Variants in XPC observed in about 807,000 individuals in gnomAD.
XPC encodes the protein XPC complex subunit, DNA damage recognition and repair factor, also known as DNA repair protein complementing XP-C cells.
In XPC, 76 loss-of-function variants were observed where a neutral mutation model predicts 95.8. That is an observed-to-expected ratio of 0.79 (90% confidence interval 0.66 to 0.96). The LOEUF (loss-of-function observed/expected upper bound fraction) is 0.96. Among genes scored for constraint, XPC ranks in the 40% least tolerant of loss-of-function variants. The pLI is 0.00. For missense variants in XPC, 1,146 were observed against 1,179.8 expected (o/e 0.97, Z 0.42); for synonymous variants, 442 against 442.1 (o/e 1.00, Z 0.00).
rs1318069826 is a variant in XPC at position 14,148,811 on chromosome 3, T to TA, written c.2250+2dup. The TA allele has an allele frequency of 6.2e-7, 1 of 1,613,850 alleles. No individual in the cohort carries two copies. Among genetic ancestry groups the TA allele is most frequent in the East Asian group, 2.2e-5 (1 of 44,890 alleles). On this transcript the variant is annotated splice_region_variant and intron_variant, in intron 12 of 15. Coordinates refer to ENST00000285021, the MANE Select transcript of XPC (RefSeq NM_004628.5). ...TCCTGAGCCCTTCTGATGCTGCCCT[T>TA]ACCTTCCCGTCCACGGCCACTGGGG...
chr3:14,154,554 TA>T (rs1196110589), intron 10 of XPC, among the ~76,000 whole-genome samples: 2 of 152,196 alleles, frequency 1.3e-5, no homozygotes, highest in Non-Finnish European at 2.9e-5. Flanking sequence ...GATGTGACTA[TA>T]AATACCGCAT....
intron 7 of XPC, among the ~76,000 whole-genome samples, chr3:14,160,771 T>C (rs1355336002): frequency 2.0e-5 from 3 of 152,240 alleles, no homozygotes; most frequent in Non-Finnish European, 4.4e-5. Flanking sequence ...TGTACCAGTA[T>C]TAATTTCTCA....
At chr3:14,149,004 C>T (rs1695573196) in intron 11 of XPC, 56 bp from the exon 12 acceptor site, 9 of 1,603,554 alleles carry the variant, frequency 5.6e-6, no homozygotes, top group Admixed American at 1.7e-5. Flanking sequence ...TCCTCAGCAC[C>T]GGGCCAGGCA....
At chr3:14,166,640 C>T (rs962344579) in intron 5 of XPC, among the ~76,000 whole-genome samples, 1 of 152,148 alleles carries the variant, frequency 6.6e-6, no homozygotes, top group African/African-American at 2.4e-5. Flanking sequence ...CTTTCCCCTA[C>T]ATAAAGCCTT....
Position 14,159,828 on chromosome 3 carries a change from T to C in XPC, c.903A>G (p.Ile301Met). The change falls in exon 8 of 16, where the codon ATA becomes ATG. Residue 301 changes from isoleucine to methionine, a missense_variant and splice_region_variant. Transcript: ENST00000285021. ...GCAGAGCCCGGAGAATCAGTAAGAA[T>C]ATCTATGATGAAAAGGAAGAACATA... Reference protein sequence around the residue: ...SARDDEELVHIFLLILRALQL... With the variant: ...SARDDEELVHMFLLILRALQL... The C allele has an allele frequency of 6.4e-7, 1 of 1,553,790 alleles. No individual in the cohort carries two copies. The highest frequency in any genetic ancestry group is 8.7e-7 in the Non-Finnish European group (1 of 1,148,050).
intron 11 of XPC, among the ~76,000 whole-genome samples, chr3:14,149,271 A>G (rs1029226103): frequency 3.1e-4 from 47 of 151,752 alleles, no homozygotes; most frequent in African/African-American, 1.1e-3. Context: ...TTTAGTAGAG[A>G]CGGGGGTTTC....
chr3:14,164,537 C>CG (rs1360283239), intron 7 of XPC: 1 of 306,142 alleles, frequency 3.3e-6, no homozygotes, highest in Admixed American at 5.2e-5. Context: ...CCAAAAACTA[C>CG]GGGCTTTTTG....
Position 14,178,578 on chromosome 3 carries a change from C to T in XPC, c.-10G>A. On this transcript the variant is annotated 5_prime_UTR_variant, in exon 1 of 16. Transcript: ENST00000285021. ...CGCGTTTCCGAGCCATGTTGCTTGT[C>T]TGGGCAAATTCCACTTCGCGAGTGA... is the stretch of plus-strand genomic sequence containing the variant. 1.2e-6 allele frequency: 2 copies of T among 1,612,588 alleles called. No individual in the cohort carries two copies. The highest frequency in any genetic ancestry group is 1.7e-6 in the Non-Finnish European group (2 of 1,179,122).
At chr3:14,174,550 G>C (rs559484440) in intron 1 of XPC, among the ~76,000 whole-genome samples, 1 of 152,270 alleles carries the variant, frequency 6.6e-6, no homozygotes, top group South Asian at 2.1e-4. Flanking sequence ...AAAGGGAAAG[G>C]GGGATAAAGG....
chr3:14,160,264 CT>C (rs1393205810), intron 7 of XPC, among the ~76,000 whole-genome samples: 12 of 152,166 alleles, frequency 7.9e-5, no homozygotes, highest in Non-Finnish European at 1.8e-4. Flanking sequence ...TGAAATACCA[CT>C]TTGGGAAGAA....
At chr3:14,151,208 G>A (rs1019467630) in intron 11 of XPC, among the ~76,000 whole-genome samples, 5 of 152,128 alleles carry the variant, frequency 3.3e-5, no homozygotes, top group Non-Finnish European at 7.4e-5. Context: ...GGTACAGAAA[G>A]TCAAATACAC....
chr3:14,173,165 C>T, intron 1 of XPC, 103 bp from the exon 2 acceptor site: 1 of 1,148,334 alleles, frequency 8.7e-7, no homozygotes, highest in Non-Finnish European at 1.2e-6. Context: ...TGTCTCCAAA[C>T]CCCATCTCCA....
At chr3:14,165,154 C>T (rs1047168935) in intron 6 of XPC, among the ~76,000 whole-genome samples, 1 of 152,176 alleles carries the variant, frequency 6.6e-6, no homozygotes, top group Non-Finnish European at 1.5e-5. Flanking sequence ...AAAAGCGCCC[C>T]TGCTATGTGA....
At chr3:14,177,932 A>C (rs1696898459) in intron 1 of XPC, among the ~76,000 whole-genome samples, 1 of 152,232 alleles carries the variant, frequency 6.6e-6, no homozygotes, top group South Asian at 2.1e-4. Context: ...GCTTTGCTTT[A>C]TAACAAGTAT....
intron 1 of XPC, among the ~76,000 whole-genome samples, chr3:14,175,042 G>C (rs1696758830): frequency 6.6e-6 from 1 of 152,070 alleles, no homozygotes; most frequent in Non-Finnish European, 1.5e-5. Flanking sequence ...CCTTCCAGCA[G>C]CAACTCATAG....
intron 5 of XPC, 94 bp from the exon 6 acceptor site, chr3:14,165,679 G>A: frequency 6.9e-7 from 1 of 1,442,838 alleles, no homozygotes; most frequent in Admixed American, 2.0e-5. Flanking sequence ...CTGTGGACAA[G>A]AAATATGTGT....
chr3:14,174,177 A>C (rs1211204607), intron 1 of XPC, among the ~76,000 whole-genome samples: 1 of 152,240 alleles, frequency 6.6e-6, no homozygotes, highest in Non-Finnish European at 1.5e-5. Flanking sequence ...TTTATAAAAA[A>C]GGAATTTATG....
chr3:14,167,143 C>T (rs770035373), intron 5 of XPC, 26 bp downstream of exon 5: 3 of 1,544,518 alleles, frequency 1.9e-6, no homozygotes, highest in Non-Finnish European at 1.8e-6. Flanking sequence ...AAGGAAAAGT[C>T]CTTCCCCATC....
chr3:14,167,365 C>T, intron 4 of XPC, 112 bp from the exon 5 acceptor site: 1 of 952,772 alleles, frequency 1.0e-6, no homozygotes, highest in Non-Finnish European at 1.5e-6. Flanking sequence ...CCCTGTTTCC[C>T]TACACAAGGC....
Sources: allele counts gnomAD v4.1 joint callset (sites outside exome capture counted in the v4.1 genomes callset), GRCh38; gene constraint gnomAD v4.1.1; transcripts MANE v1.5; gene names NCBI Gene and HGNC (gene_info 2026-07-23, HGNC 2026-07-21).